Variants in FGF2 observed in about 807,000 individuals in gnomAD.
The protein encoded by FGF2 is fibroblast growth factor 2.
In FGF2, 13 loss-of-function variants were observed where a neutral mutation model predicts 15.9. The ratio of observed to expected loss-of-function variants is 0.82; its 90% CI spans 0.53 to 1.30. The LOEUF (loss-of-function observed/expected upper bound fraction) is 1.30. Ranked by LOEUF, FGF2 falls within the 50% of genes most tolerant of loss-of-function variation. FGF2 has a pLI of 0.00. For synonymous variants in FGF2, 90 were observed against 78.4 expected, an observed-to-expected ratio of 1.15 and a Z score of -0.78; for missense variants, 163 against 196.9, an observed-to-expected ratio of 0.83 and a Z score of 1.03.
intron 1 of FGF2, among the ~76,000 whole-genome samples, chr4:122,874,773 T>C (rs1232369496): frequency 6.6e-6 from 1 of 152,072 alleles, no homozygotes; most frequent in Admixed American, 6.5e-5. Flanking sequence ...TCTAACAAAG[T>C]TAATTATTTA....
At chr4:122,847,269 C>G (rs1020903297) in intron 1 of FGF2, among the ~76,000 whole-genome samples, 1 of 152,154 alleles carries the variant, frequency 6.6e-6, no homozygotes, top group Admixed American at 6.5e-5. Context: ...TGGGAATGTC[C>G]TCTTATACTC....
At chr4:122,850,740 C>T (rs567075378) in intron 1 of FGF2, among the ~76,000 whole-genome samples, 8 of 152,186 alleles carry the variant, frequency 5.3e-5, no homozygotes, top group East Asian at 1.9e-4. Context: ...CTTCAGAGAG[C>T]GGTTCCAAAT....
At chr4:122,828,453 C>A (rs1476553615) in intron 1 of FGF2, among the ~76,000 whole-genome samples, 1 of 152,118 alleles carries the variant, frequency 6.6e-6, no homozygotes, top group East Asian at 1.9e-4. Context: ...GGCGTTCCTT[C>A]CTTTATGGGT....
intron 2 of FGF2, among the ~76,000 whole-genome samples, chr4:122,887,418 CCA>C (rs1727081759): frequency 6.6e-6 from 1 of 152,210 alleles, no homozygotes; most frequent in African/African-American, 2.4e-5. Context: ...GCAGTCCCCC[CCA>C]CTTGCTTGTG....
chr4:122,830,102 C>A (rs1725730068), intron 1 of FGF2, among the ~76,000 whole-genome samples: 1 of 152,172 alleles, frequency 6.6e-6, no homozygotes, highest in African/African-American at 2.4e-5. Context: ...TTTGGCATGA[C>A]ACTTTGTGCC....
At chr4:122,860,287 G>A (rs149316934) in intron 1 of FGF2, among the ~76,000 whole-genome samples, 1 of 151,836 alleles carries the variant, frequency 6.6e-6, no homozygotes, top group African/African-American at 2.4e-5. Context: ...ATATATTCTT[G>A]TATCAAGCAA....
rs184498022 is a variant in FGF2 at position 122,845,865 on chromosome 4, T to C, written c.178+18513T>C. Among the ~76,000 whole-genome samples, 14 of 152,352 alleles carry C rather than the reference T, an allele frequency of 9.2e-5. 1 individual carries two copies. Among genetic ancestry groups the C allele is most frequent in the South Asian group, 8.3e-4 (4 of 4,822 alleles). ...TCTTGTGTTCACTGGAGTAGAACTT[T>C]TCATTTTCTTCAAGAATTCTTCTTT... On this transcript the variant is annotated intron_variant, in intron 1 of 2. Transcript: ENST00000644866.
intron 1 of FGF2, among the ~76,000 whole-genome samples, chr4:122,871,965 C>G (rs1726746545): frequency 6.6e-6 from 1 of 152,096 alleles, no homozygotes. Flanking sequence ...TGCCTCTTCT[C>G]CTCCAAATGA....
intron 2 of FGF2, among the ~76,000 whole-genome samples, chr4:122,877,592 AAGAC>A (rs1726883839): frequency 2.0e-5 from 3 of 152,344 alleles, no homozygotes; most frequent in South Asian, 4.1e-4. Flanking sequence ...ATAAATATAA[AAGAC>A]AGATCTCATT....
intron 2 of FGF2, among the ~76,000 whole-genome samples, chr4:122,877,028 C>T (rs7700205): frequency 0.14 from 21,255 of 152,098 alleles, 1,610 homozygotes; most frequent in Middle Eastern, 0.22. Context: ...AAATCAGCAT[C>T]TGACACGTAA....
At chr4:122,863,024 T>C (rs1229043339) in intron 1 of FGF2, among the ~76,000 whole-genome samples, 1 of 152,178 alleles carries the variant, frequency 6.6e-6, no homozygotes, top group Non-Finnish European at 1.5e-5. Flanking sequence ...TTTTAAAAAA[T>C]TTATAAAAAT....
chr4:122,856,026 A>G (rs750273802), intron 1 of FGF2, among the ~76,000 whole-genome samples: 2 of 152,186 alleles, frequency 1.3e-5, no homozygotes, highest in African/African-American at 2.4e-5. Flanking sequence ...CCCACAGACC[A>G]TATGTGTCTC....
At position 122,893,012 on chromosome 4, in the gene FGF2, T is replaced by G. The variant is rs771682042; in HGVS notation, c.*616T>G. On this transcript the variant is annotated 3_prime_UTR_variant, in exon 3 of 3. Transcript: ENST00000644866. Reference sequence around the variant, plus strand: ...GGTGATGGGAGTTGTATTTTCAGTCTTCGCCAGGTCATTGAGATCCATCCA... The same window carrying G: ...GGTGATGGGAGTTGTATTTTCAGTCGTCGCCAGGTCATTGAGATCCATCCA... The G allele has an allele frequency of 5.6e-6, 9 of 1,614,090 alleles. No individual in the cohort carries two copies. In the Admixed American group the frequency reaches 1.5e-4, roughly 27 times the overall value.
rs746258608 is a variant in FGF2 at position 122,897,572 on chromosome 4, C to T, written c.*5176C>T. On this transcript the variant is annotated 3_prime_UTR_variant, in exon 3 of 3. Transcript: ENST00000644866. Reference sequence around the variant, plus strand: ...TAGCTATAAAGCAAGAAAGTAAACACATTAATTTCCTCAACATTTTTAAGC... The same window carrying T: ...TAGCTATAAAGCAAGAAAGTAAACATATTAATTTCCTCAACATTTTTAAGC... The T allele has an allele frequency of 1.3e-5, 16 of 1,240,734 alleles. No individual in the cohort carries two copies. The highest frequency in any genetic ancestry group is 1.8e-5 in the Non-Finnish European group (15 of 841,064). 76.9% of individuals were successfully genotyped at this position (1,240,734 alleles called of 1,614,324 possible).
intron 1 of FGF2, among the ~76,000 whole-genome samples, chr4:122,849,043 G>A (rs1176353852): frequency 2.0e-5 from 3 of 152,156 alleles, no homozygotes; most frequent in African/African-American, 7.2e-5. Flanking sequence ...GGGTCTCTTG[G>A]TCTATCCTTG....
At chr4:122,871,692 T>G (rs308373) in intron 1 of FGF2, among the ~76,000 whole-genome samples, 1 of 148,438 alleles carries the variant, frequency 6.7e-6, no homozygotes, top group South Asian at 2.1e-4. Flanking sequence ...CATCTCCAGG[T>G]GCAGGAGCAA....
chr4:122,836,509 A>C (rs181561104), intron 1 of FGF2, among the ~76,000 whole-genome samples: 69 of 152,208 alleles, frequency 4.5e-4, no homozygotes, highest in Admixed American at 4.5e-3. Flanking sequence ...TATGTCCCCC[A>C]GTTTTACTGG....
intron 1 of FGF2, among the ~76,000 whole-genome samples, chr4:122,850,598 A>G (rs953772127): frequency 2.0e-5 from 3 of 152,196 alleles, no homozygotes; most frequent in Non-Finnish European, 4.4e-5. Flanking sequence ...AGAAAGTAGA[A>G]GAGGGAAAGG....
At chr4:122,840,178 G>A (rs576725660) in intron 1 of FGF2, among the ~76,000 whole-genome samples, 3 of 152,148 alleles carry the variant, frequency 2.0e-5, no homozygotes, top group African/African-American at 7.2e-5. Flanking sequence ...ATGAGTTCGG[G>A]GAACACAATT....
Sources: allele counts gnomAD v4.1 joint callset (sites outside exome capture counted in the v4.1 genomes callset), GRCh38; gene constraint gnomAD v4.1.1; transcripts MANE v1.5; gene names NCBI Gene and HGNC (gene_info 2026-07-23, HGNC 2026-07-21).